MAP7D3: variants seen among roughly 807,000 people sequenced by gnomAD.
MAP7D3 encodes MAP7 domain containing 3.
Under a neutral mutation model 62.2 loss-of-function variants are expected in MAP7D3, and 45 were observed. The observed-to-expected ratio is 0.72, with a 90% CI of 0.57 to 0.93. The LOEUF is 0.93. Ranked by LOEUF, MAP7D3 falls within the 40% of genes least tolerant of loss-of-function variation. The pLI is 0.00. For missense variants in MAP7D3, 711 were observed against 683.1 expected (o/e 1.04, Z -0.45); for synonymous variants, 288 against 248.8 (o/e 1.16, Z -1.48).
At position 136,244,637 on chromosome X, in the gene MAP7D3, G is replaced by A; in HGVS notation, c.412C>T (p.Gln138Ter). 8.3e-7 allele frequency: 1 copy of A among 1,207,749 alleles called. No individual in the cohort carries two copies. The highest frequency in any genetic ancestry group is 1.1e-6 in the Non-Finnish European group (1 of 893,802). Residue 138 changes from glutamine (Q) to a stop codon, truncating the protein, a stop_gained, in exon 4 of 19, where the codon CAA becomes TAA. Transcript: ENST00000316077. LOFTEE classifies it high-confidence loss of function. The part of the protein sequence containing the change: ...EEKRHQKDEA[Q>*]KEKFTAILYR... The stretch of plus-strand genomic sequence containing the variant: ...CAGGCTGCAAAATTATGTACCTTTT[G>A]TGCTTCATCCTTCTGGTGTCTTTTT...
upstream of MAP7D3, among the ~76,000 whole-genome samples, chrX:136,253,409 G>C (rs1241028724): frequency 8.9e-6 from 1 of 112,158 alleles, no homozygotes; most frequent in African/African-American, 3.2e-5. Flanking sequence ...GACAGAGATA[G>C]AGACTGTGAT....
chrX:136,234,635 T>C (rs1212167484), intron 7 of MAP7D3, among the ~76,000 whole-genome samples: 1 of 112,054 alleles, frequency 8.9e-6, no homozygotes, highest in African/African-American at 3.2e-5. Context: ...ATTCAAACTA[T>C]TTTGATGCCT....
rs1183479537 is a variant in MAP7D3, at chrX:136,251,322, T to A, written c.37A>T (p.Ser13Cys). 1.2e-3 allele frequency: 1,323 copies of A among 1,128,682 alleles called. No individual in the cohort carries two copies. Among genetic ancestry groups the A allele is most frequent in the Non-Finnish European group, 1.5e-3 (1,262 of 860,563 alleles). 93.0% of individuals were successfully genotyped at this position (1,128,682 alleles called of 1,213,427 possible). A position where few individuals can be genotyped will look rare whatever the true frequency, so the allele number is the denominator to read the frequency against. Residue 13 changes from serine to cysteine, a missense_variant, in exon 1 of 19, where the codon AGC becomes TGC. Ser to Cys is a moderately radical substitution (Grantham distance 112, BLOSUM62 -1). Transcript: ENST00000316077. Reference sequence around the variant, plus strand: ...GCCCGCAGCTCTCTCAAGGATGGGCTGCCGCCAGCGCCAGCTGCGGCGCCG... The same window carrying A: ...GCCCGCAGCTCTCTCAAGGATGGGCAGCCGCCAGCGCCAGCTGCGGCGCCG... ...ADGAAAGAGG[S>C]PSLRELRARM...
At position 136,236,246 on chromosome X, in the gene MAP7D3, C is replaced by CG. The variant is rs776052537; in HGVS notation, c.733dup (p.Arg245ProfsTer19). 4 of 1,147,939 alleles carry CG rather than the reference C, an allele frequency of 3.5e-6. No homozygotes were observed. The highest frequency in any genetic ancestry group is 2.3e-5 in the Admixed American group (1 of 42,965). 94.6% of individuals were successfully genotyped at this position (1,147,939 alleles called of 1,213,427 possible). ...ATTTGTATTTAGAAGTAACTAACCA[C>CG]GTGGCTTCCTTTCGGCTTGTTCTTT... On this transcript the variant is annotated frameshift_variant, in exon 7 of 19. Transcript: ENST00000316077. LOFTEE classifies it high-confidence loss of function.
At position 136,251,314 on chromosome X, in the gene MAP7D3, G is replaced by A. The variant is rs1486933756; in HGVS notation, c.45C>T (p.Ser15=). 8.8e-7 allele frequency: 1 copy of A among 1,130,805 alleles called. No homozygotes were observed. Among genetic ancestry groups the A allele is most frequent in the Admixed American group, 2.7e-5 (1 of 36,497 alleles). The allele number at this position is 1,130,805 out of a possible 1,213,427, so 93.2% of individuals were successfully genotyped here. A position where few individuals can be genotyped will look rare whatever the true frequency, so the allele number is the denominator to read the frequency against. ...CCATCCGTGCCCGCAGCTCTCTCAA[G>A]GATGGGCTGCCGCCAGCGCCAGCTG... The part of the protein sequence containing the change: ...GAAAGAGGSP[S]LRELRARMVA... Residue 15 remains serine, a synonymous_variant, in exon 1 of 19, where the codon TCC becomes TCT. Coordinates refer to ENST00000316077, the MANE Select transcript of MAP7D3 (RefSeq NM_024597.4).
intron 1 of MAP7D3, 88 bp from the exon 2 acceptor site, chrX:136,246,429 T>C (rs2074449933): frequency 8.8e-6 from 5 of 570,552 alleles, no homozygotes; most frequent in Non-Finnish European, 1.5e-5. Flanking sequence ...TTGTATTTGA[T>C]GATAAAGGAT....
At chrX:136,223,815 T>G (rs750376329) in intron 14 of MAP7D3, among the ~76,000 whole-genome samples, 10 of 110,214 alleles carry the variant, frequency 9.1e-5, no homozygotes, top group African/African-American at 3.0e-4. Context: ...AGCGGGTGCA[T>G]CACTTGAGCC....
chrX:136,243,229 TAA>T (rs1487528659), intron 4 of MAP7D3, among the ~76,000 whole-genome samples: 3 of 107,657 alleles, frequency 2.8e-5, no homozygotes, highest in African/African-American at 1.0e-4. Context: ...TGACAGAAAA[TAA>T]GAGAGGGAAA....
chrX:136,218,919 C>T (rs887029245), intron 18 of MAP7D3, among the ~76,000 whole-genome samples: 1 of 110,519 alleles, frequency 9.0e-6, no homozygotes, highest in Non-Finnish European at 1.9e-5. Flanking sequence ...GGCAGGATCT[C>T]GGCTCACTGC....
intron 15 of MAP7D3, 126 bp downstream of exon 15, chrX:136,222,267 C>T: frequency 8.7e-6 from 4 of 461,729 alleles, no homozygotes; most frequent in Non-Finnish European, 1.5e-5. Flanking sequence ...CATTAGCTTC[C>T]CCTTTTTCAG....
In MAP7D3 at chrX:136,230,957, T is replaced by G; in HGVS notation, c.1423A>C (p.Met475Leu). 8.4e-7 allele frequency: 1 copy of G among 1,195,674 alleles called. No individual in the cohort carries two copies. The highest frequency in any genetic ancestry group is 1.1e-6 in the Non-Finnish European group (1 of 882,755). Residue 475 changes from methionine (M) to leucine (L), a missense_variant, in exon 9 of 19, where the codon ATG (methionine) becomes CTG (leucine). Met to Leu is a conservative substitution (Grantham distance 15). Coordinates refer to ENST00000316077, the MANE Select transcript of MAP7D3 (RefSeq NM_024597.4). ...KARDAPKKSE[M>L]DKQALIPIAK... Reference sequence around the variant, plus strand: ...ATAGGGATTAAGGCCTGTTTGTCCATTTCTGATTTCTGAACAGATAAACAC... The same window carrying G: ...ATAGGGATTAAGGCCTGTTTGTCCAGTTCTGATTTCTGAACAGATAAACAC...
chrX:136,235,801 T>C (rs999207668), intron 7 of MAP7D3, among the ~76,000 whole-genome samples: 3 of 112,259 alleles, frequency 2.7e-5, no homozygotes, highest in African/African-American at 9.7e-5. Context: ...AAAGAAGTAC[T>C]TTAGTAATCA....
upstream of MAP7D3, chrX:136,256,071 T>C: frequency 4.0e-6 from 3 of 752,767 alleles, no homozygotes; most frequent in South Asian, 2.0e-4. Flanking sequence ...GCTTTTTCTC[T>C]CCATTCTTAA....
chrX:136,234,786 C>T (rs751338394), intron 7 of MAP7D3, among the ~76,000 whole-genome samples: 26 of 111,719 alleles, frequency 2.3e-4, no homozygotes, highest in Non-Finnish European at 1.3e-4. Context: ...TGGCTAATGA[C>T]GCTTTTGTTG....
chrX:136,220,880 G>T lies in MAP7D3; in HGVS notation c.2371C>A (p.Leu791Ile). The T allele has an allele frequency of 1.7e-6, 2 of 1,203,915 alleles. No individual in the cohort carries two copies. Among genetic ancestry groups the T allele is most frequent in the Non-Finnish European group, 2.3e-6 (2 of 888,328 alleles). ...CGGACCTGGCTGGTACCATCTTCTA[G>T]AAATACCAGCTTGTGTGTCATTTTC... ...AKKMTHKLVFLEDGTSQVRKE... is the reference protein window; with the variant it reads ...AKKMTHKLVFIEDGTSQVRKE... The change falls in exon 16 of 19, where the codon CTA becomes ATA. Residue 791 changes from leucine to isoleucine, a missense_variant. Transcript: ENST00000316077.
chrX:136,245,972 A>G, intron 3 of MAP7D3, 93 bp downstream of exon 3: 2 of 579,997 alleles, frequency 3.4e-6, no homozygotes, highest in Non-Finnish European at 5.5e-6. Flanking sequence ...ATTATACTCT[A>G]TCATATAAAC....
Position 136,228,655 on chromosome X carries a change from T to C in MAP7D3, c.1854A>G (p.Glu618=). The C allele has an allele frequency of 8.3e-7, 1 of 1,208,001 alleles. No individual in the cohort carries two copies. Among genetic ancestry groups the C allele is most frequent in the South Asian group, 1.8e-5 (1 of 56,002 alleles). ...RLAREQREKE[E]EERQREEMQQ... is the part of the protein sequence containing the mutation. The stretch of plus-strand genomic sequence containing the variant: ...GCATTTCTTCCCGTTGTCTTTCTTC[T>C]TCCTCTTTTTCTCTTTGTTCACGAG... Residue 618 remains glutamate (E), a synonymous_variant, in exon 11 of 19, where the codon GAA becomes GAG. Coordinates refer to ENST00000316077, the MANE Select transcript of MAP7D3 (RefSeq NM_024597.4).
intron 10 of MAP7D3, 50 bp from the exon 11 acceptor site, chrX:136,228,808 C>G (rs1466484419): frequency 9.6e-7 from 1 of 1,036,950 alleles, no homozygotes; most frequent in East Asian, 3.2e-5. Context: ...TCAACTCTCA[C>G]TCCAACAAAG....
At chrX:136,243,719 TC>T (rs1439193594) in intron 4 of MAP7D3, among the ~76,000 whole-genome samples, 1 of 105,649 alleles carries the variant, frequency 9.5e-6, no homozygotes, top group African/African-American at 3.5e-5. Context: ...AAAAAAAAAA[TC>T]CCTGGAATAA....
Sources: allele counts gnomAD v4.1 joint callset (sites outside exome capture counted in the v4.1 genomes callset), GRCh38; gene constraint gnomAD v4.1.1; transcripts MANE v1.5; gene names NCBI Gene and HGNC (gene_info 2026-07-23, HGNC 2026-07-21).